The following PDE11A variants were observed in gnomAD, a reference collection of about 807,000 sequenced individuals.
The protein encoded by PDE11A is dual 3',5'-cyclic-AMP and -GMP phosphodiesterase 11A.
PDE11A carries 100 observed loss-of-function variants against 100.5 expected under a neutral mutation model. The observed-to-expected ratio is 1.00, with a 90% CI of 0.85 to 1.18. PDE11A has a LOEUF of 1.18. Ranked by LOEUF, PDE11A falls within the 50% of genes most tolerant of loss-of-function variation. The pLI is 0.00. For missense variants in PDE11A, 1,141 were observed against 1,152.6 expected (o/e 0.99, Z 0.15); for synonymous variants, 381 against 420.8 (o/e 0.91, Z 1.16).
chr2:177,860,902 C>G (rs1209196465), intron 5 of PDE11A, among the ~76,000 whole-genome samples: 1 of 151,676 alleles, frequency 6.6e-6, no homozygotes, highest in Non-Finnish European at 1.5e-5. Context: ...TGCCACTTAA[C>G]AAACATTCAA....
intron 19 of PDE11A, among the ~76,000 whole-genome samples, chr2:177,650,882 C>T (rs1490161605): frequency 1.3e-5 from 2 of 152,140 alleles, no homozygotes; most frequent in Non-Finnish European, 2.9e-5. Context: ...CATGTTTCTT[C>T]TGTTAAAGGT....
intron 10 of PDE11A, among the ~76,000 whole-genome samples, chr2:177,744,954 C>A (rs1356473722): frequency 6.6e-6 from 1 of 152,230 alleles, no homozygotes; most frequent in Non-Finnish European, 1.5e-5. Flanking sequence ...AACAGAGCCA[C>A]AGCCAACCCA....
chr2:177,931,911 C>CAAA (rs71410773), intron 2 of PDE11A, among the ~76,000 whole-genome samples: 138 of 80,240 alleles, frequency 1.7e-3, no homozygotes, highest in Non-Finnish European at 2.3e-3. Context: ...GCTAGATTAA[C>CAAA]AAAAAAAAAA....
chr2:178,067,358 G>A (rs1472232306), intron 1 of PDE11A, among the ~76,000 whole-genome samples: 1 of 152,192 alleles, frequency 6.6e-6, no homozygotes, highest in African/African-American at 2.4e-5. Flanking sequence ...TTAGCTAGGT[G>A]TTCAAAGTCC....
intron 19 of PDE11A, among the ~76,000 whole-genome samples, chr2:177,648,552 C>T (rs1483102922): frequency 6.6e-6 from 1 of 151,830 alleles, no homozygotes; most frequent in African/African-American, 2.4e-5. Context: ...AACCAGATTT[C>T]CTTTTGAACT....
chr2:177,820,402 C>T (rs13386870), intron 6 of PDE11A, 107 bp from the exon 7 acceptor site: 244,396 of 712,104 alleles, frequency 0.34, 45,537 homozygotes, highest in African/African-American at 0.64. Flanking sequence ...CTTTTTAAAG[C>T]TATTTTATAC....
At chr2:178,028,742 T>G (rs1389360310) in intron 1 of PDE11A, among the ~76,000 whole-genome samples, 1 of 152,240 alleles carries the variant, frequency 6.6e-6, no homozygotes, top group East Asian at 1.9e-4. Flanking sequence ...ACCATTCATA[T>G]TTTTCAGGTT....
At chr2:177,823,302 A>G (rs2083171564) in intron 6 of PDE11A, among the ~76,000 whole-genome samples, 1 of 152,154 alleles carries the variant, frequency 6.6e-6, no homozygotes, top group Non-Finnish European at 1.5e-5. Context: ...ATATTGAGAT[A>G]AAATAAGTGT....
At chr2:177,852,614 G>T (rs2083733921) in intron 5 of PDE11A, among the ~76,000 whole-genome samples, 1 of 152,126 alleles carries the variant, frequency 6.6e-6, no homozygotes. Flanking sequence ...GGGACTCAAA[G>T]CTAGGACCTC....
chr2:177,873,350 G>T (rs2084174536), intron 5 of PDE11A, among the ~76,000 whole-genome samples: 1 of 152,100 alleles, frequency 6.6e-6, no homozygotes, highest in African/African-American at 2.4e-5. Context: ...CGTATTTCAT[G>T]TTGTTTTATA....
intron 1 of PDE11A, among the ~76,000 whole-genome samples, chr2:178,024,017 A>G (rs967146330): frequency 6.6e-6 from 1 of 152,130 alleles, no homozygotes; most frequent in Non-Finnish European, 1.5e-5. Context: ...CCCCACCCCA[A>G]CTAATTAAAT....
chr2:177,701,399 C>T (rs2081195056), intron 13 of PDE11A, among the ~76,000 whole-genome samples, 188 bp from the exon 14 acceptor site: 1 of 151,942 alleles, frequency 6.6e-6, no homozygotes, highest in South Asian at 2.1e-4. Flanking sequence ...TAAGAAAGTT[C>T]CTAATACATA....
intron 19 of PDE11A, among the ~76,000 whole-genome samples, chr2:177,638,524 T>C (rs1268789861): frequency 1.3e-5 from 2 of 152,234 alleles, no homozygotes; most frequent in Admixed American, 6.5e-5. Context: ...GGTCAGATGT[T>C]TTTGCTTCTT....
intron 9 of PDE11A, among the ~76,000 whole-genome samples, chr2:177,791,414 C>T (rs1007224346): frequency 1.3e-5 from 2 of 148,168 alleles, no homozygotes; most frequent in African/African-American, 5.0e-5. Context: ...GGAGGGATAG[C>T]ATTAGGAGAT....
intron 10 of PDE11A, among the ~76,000 whole-genome samples, chr2:177,755,033 C>A (rs892729029): frequency 6.6e-6 from 1 of 152,130 alleles, no homozygotes; most frequent in Non-Finnish European, 1.5e-5. Context: ...ATTGGTTGAT[C>A]CAGTTGCAGG....
At chr2:177,833,963 T>C (rs980701497) in intron 6 of PDE11A, among the ~76,000 whole-genome samples, 1 of 152,160 alleles carries the variant, frequency 6.6e-6, no homozygotes, top group African/African-American at 2.4e-5. Context: ...ACTGGGGGAA[T>C]GGTGTGGAGC....
chr2:177,853,740 ATG>A (rs2083771920), intron 5 of PDE11A, among the ~76,000 whole-genome samples: 2 of 52,714 alleles, frequency 3.8e-5, no homozygotes, highest in African/African-American at 1.1e-4. Context: ...GTATATCTAT[ATG>A]TGTGTATATA....
chr2:177,660,097 T>TTCTTTCTCTC (rs1406827529), intron 19 of PDE11A, among the ~76,000 whole-genome samples: 8 of 69,346 alleles, frequency 1.2e-4, no homozygotes, highest in African/African-American at 2.9e-4. Context: ...CTTTCTTTCT[T>TTCTTTCTCTC]TCTCTCTCTC....
Position 178,028,578 on chromosome 2 carries a change from A to C in PDE11A, c.913-14118T>G, listed in dbSNP as rs146297382. Among the ~76,000 whole-genome samples, 345 of 152,284 alleles carry C rather than the reference A, an allele frequency of 2.3e-3. 1 individual carries two copies. The highest frequency in any genetic ancestry group is 7.8e-3 in the African/African-American group (325 of 41,558). On this transcript the variant is annotated intron_variant, in intron 1 of 19. Coordinates refer to ENST00000286063, the MANE Select transcript of PDE11A (RefSeq NM_016953.4). ...GCATGTTTATTGGCACTCTCATCTA[A>C]GCTATTCCACCTTGGATAGAGTTGA... is the stretch of plus-strand genomic sequence containing the variant.
Sources: allele counts gnomAD v4.1 joint callset (sites outside exome capture counted in the v4.1 genomes callset), GRCh38; gene constraint gnomAD v4.1.1; transcripts MANE v1.5; gene names NCBI Gene and HGNC (gene_info 2026-07-23, HGNC 2026-07-21).